Variants in PIEZO1 observed in about 807,000 individuals in gnomAD.
PIEZO1 encodes piezo-type mechanosensitive ion channel component 1.
Under a neutral mutation model 297.2 loss-of-function variants are expected in PIEZO1, and 296 were observed. That is an observed-to-expected ratio of 1.00 (90% confidence interval 0.91 to 1.10). The LOEUF is 1.10. PIEZO1 is among the 50% of genes least tolerant of loss of function. The probability of loss-of-function intolerance (pLI) is 0.00; values close to 1 mark genes in which losing one functional copy is unlikely to be tolerated. For synonymous variants in PIEZO1, 2,427 were observed against 1,507.5 expected (o/e 1.61, Z -14.13); for missense variants, 5,018 against 3,455.5 (o/e 1.45, Z -11.34).
chr16:88,726,630 AC>A lies in PIEZO1; in HGVS notation c.3712del (p.Val1238SerfsTer32). ...GCCGGTCTGCATCTGCTCCACGAAGACGCAGGCCAGGAGCTGGGGGAGAGCA... is the reference window on the plus strand; with the variant it reads ...GCCGGTCTGCATCTGCTCCACGAAGAGCAGGCCAGGAGCTGGGGGAGAGCA... ...SKNMLSLLACVFVEQMQTGFC... is the reference protein window; with the variant it reads ...SKNMLSLLACXFVEQMQTGFC... On this transcript the variant is annotated frameshift_variant, in exon 26 of 51. Coordinates refer to ENST00000301015, the MANE Select transcript of PIEZO1 (RefSeq NM_001142864.4). LOFTEE classifies it high-confidence loss of function. 7.0e-7 allele frequency: 1 copy of A among 1,418,732 alleles called. No homozygotes were observed. The highest frequency in any genetic ancestry group is 9.4e-7 in the Non-Finnish European group (1 of 1,067,064). The allele number at this position is 1,418,732 out of a possible 1,614,324, so 87.9% of individuals were successfully genotyped here.
chr16:88,776,356 C>T (rs1037185097), intron 1 of PIEZO1, among the ~76,000 whole-genome samples: 6 of 152,056 alleles, frequency 3.9e-5, no homozygotes, highest in African/African-American at 1.4e-4. Context: ...ATGGCGTGAA[C>T]CTGGGAGGCA....
At chr16:88,783,993 C>T (rs555834559) in intron 1 of PIEZO1, among the ~76,000 whole-genome samples, 81 of 152,248 alleles carry the variant, frequency 5.3e-4, no homozygotes, top group Non-Finnish European at 8.7e-4. Context: ...TAATTCCATC[C>T]GACTGCTTCC....
intron 1 of PIEZO1, among the ~76,000 whole-genome samples, chr16:88,754,719 G>A (rs1906568037): frequency 6.6e-6 from 1 of 152,230 alleles, no homozygotes; most frequent in Admixed American, 6.5e-5. Flanking sequence ...CCGTGAAACA[G>A]CCGGTGCGGC....
At chr16:88,760,561 G>A (rs916702265) in intron 1 of PIEZO1, among the ~76,000 whole-genome samples, 1 of 152,212 alleles carries the variant, frequency 6.6e-6, no homozygotes, top group Admixed American at 6.5e-5. Flanking sequence ...AAGACAGGCA[G>A]GGATCCGAGG....
intron 16 of PIEZO1, 43 bp from the exon 17 acceptor site, chr16:88,734,097 GC>G: frequency 6.8e-7 from 1 of 1,472,678 alleles, no homozygotes; most frequent in Non-Finnish European, 9.1e-7. Context: ...CTGGGTTCCT[GC>G]CCCTCATTTC....
chr16:88,749,414 A>C lies in PIEZO1; in HGVS notation c.130T>G (p.Phe44Val). ...AGGCCGCATCGGGTGGGGCCGGGGA[A>C]CCAGGGCAGCAGCAGCAGGAAGAGC... ...YLLFLLLLPW[F>V]PGPTRCGLQG... Residue 44 changes from phenylalanine (F) to valine (V), a missense_variant, in exon 2 of 51, where the codon TTC becomes GTC. By Grantham distance (50) the Phe-to-Val change is conservative. Coordinates refer to ENST00000301015, the MANE Select transcript of PIEZO1 (RefSeq NM_001142864.4). 3.9e-6 allele frequency: 6 copies of C among 1,521,970 alleles called. No individual in the cohort carries two copies. Among genetic ancestry groups the C allele is most frequent in the Non-Finnish European group, 4.4e-6 (5 of 1,141,340 alleles). 94.3% of individuals were successfully genotyped at this position (1,521,970 alleles called of 1,614,324 possible).
chr16:88,715,653 G>A lies in PIEZO1; in HGVS notation c.7518C>T (p.Leu2506=), dbSNP rs1323074173. 6.5e-7 allele frequency: 1 copy of A among 1,550,300 alleles called. No homozygotes were observed. Among genetic ancestry groups the A allele is most frequent in the Non-Finnish European group, 8.7e-7 (1 of 1,146,934 alleles). ...EEELYAKLIF[L]YRSPETMIKW... ...TGATCATGGTCTCCGGTGAGCGGTA[G>A]AGGAAGATGAGCTTGGCGTACAACT... Residue 2506 remains leucine (L), a synonymous_variant, in exon 51 of 51, where the codon CTC becomes CTT. Transcript: ENST00000301015.
At chr16:88,718,892 A>G (rs1454518761) in intron 44 of PIEZO1, 1 of 154,056 alleles carries the variant, frequency 6.5e-6, no homozygotes, top group Non-Finnish European at 1.5e-5. Context: ...TTTTTTGTAG[A>G]GAGAGTCTCA....
rs542407462 is a variant in PIEZO1 at position 88,769,030 on chromosome 16, G to A, written c.64+15871C>T. 7.2e-5 allele frequency among the ~76,000 whole-genome samples: 11 copies of A among 152,326 alleles called. No homozygotes were observed. The South Asian group carries it at 2.3e-3, about 32-fold the overall frequency. ...AGTACGCTAGGACACAGCAGCACCCGCGCCCACACTTGCTATGCAGAGTGG... is the reference window on the plus strand; with the variant it reads ...AGTACGCTAGGACACAGCAGCACCCACGCCCACACTTGCTATGCAGAGTGG... On this transcript the variant is annotated intron_variant, in intron 1 of 50. Coordinates refer to ENST00000301015, the MANE Select transcript of PIEZO1 (RefSeq NM_001142864.4).
chr16:88,754,418 G>T (rs908214288), intron 1 of PIEZO1, among the ~76,000 whole-genome samples: 7 of 152,222 alleles, frequency 4.6e-5, no homozygotes, highest in Non-Finnish European at 1.0e-4. Flanking sequence ...ACCTGCCAGG[G>T]GATGTCAGAT....
chr16:88,771,165 G>A (rs16964961), intron 1 of PIEZO1, among the ~76,000 whole-genome samples: 8,639 of 152,286 alleles, frequency 0.057, 294 homozygotes, highest in Middle Eastern at 0.095. Context: ...CCGTGCGAAA[G>A]GCCCCACAGA....
chr16:88,727,821 GT>G (rs976974067), intron 22 of PIEZO1, 160 bp from the exon 23 acceptor site: 5 of 434,582 alleles, frequency 1.2e-5, no homozygotes, highest in Non-Finnish European at 2.0e-5. Flanking sequence ...CTAGTGTCCT[GT>G]GTGTTCACAC....
At chr16:88,766,894 G>A (rs890955266) in intron 1 of PIEZO1, among the ~76,000 whole-genome samples, 1 of 152,346 alleles carries the variant, frequency 6.6e-6, no homozygotes, top group South Asian at 2.1e-4. Flanking sequence ...ACTGGCTAGA[G>A]TGGGCCTCAG....
intron 1 of PIEZO1, among the ~76,000 whole-genome samples, chr16:88,750,580 C>A (rs1002644780): frequency 5.3e-5 from 8 of 152,238 alleles, no homozygotes; most frequent in African/African-American, 1.9e-4. Flanking sequence ...GTCCCAACCA[C>A]ACAGCTCCCA....
chr16:88,730,947 C>T (rs930703880), intron 22 of PIEZO1, among the ~76,000 whole-genome samples: 4 of 152,250 alleles, frequency 2.6e-5, no homozygotes, highest in African/African-American at 9.6e-5. Context: ...CACAGCCCAC[C>T]AGTGCCAACA....
chr16:88,726,142 C>G, intron 27 of PIEZO1, 142 bp downstream of exon 27: 1 of 680,912 alleles, frequency 1.5e-6, no homozygotes, highest in Non-Finnish European at 2.4e-6. Flanking sequence ...GGCCTTCATT[C>G]TCCCTCTAGA....
At chr16:88,749,979 C>T (rs1369267576) in intron 1 of PIEZO1, among the ~76,000 whole-genome samples, 3 of 151,064 alleles carry the variant, frequency 2.0e-5, no homozygotes, top group Admixed American at 6.6e-5. Context: ...ACTGAGATGG[C>T]ACCACTGCAC....
chr16:88,721,882 C>G lies in PIEZO1; in HGVS notation c.5140G>C (p.Val1714Leu), dbSNP rs748507183. Residue 1714 changes from valine to leucine, a missense_variant, in exon 37 of 51, where the codon GTC becomes CTC. Coordinates refer to ENST00000301015, the MANE Select transcript of PIEZO1 (RefSeq NM_001142864.4). ...SAGSLVLPVLVFLWAMLSIPR... is the reference protein window; with the variant it reads ...SAGSLVLPVLLFLWAMLSIPR... ...ATCGACAGCATGGCCCACAGGAAGA[C>G]GAGCACGGGCAGCACCAGCGAGCCG... The G allele has an allele frequency of 1.4e-5, 21 of 1,549,904 alleles. No homozygotes were observed. The highest frequency in any genetic ancestry group is 2.4e-5 in the South Asian group (2 of 84,060).
chr16:88,740,090 T>G (rs975270204), intron 5 of PIEZO1: 1 of 152,110 alleles, frequency 6.6e-6, no homozygotes, highest in South Asian at 2.1e-4. Context: ...GCAGCCATGC[T>G]GCAGACGCCC....
Sources: gnomAD v4.1 joint callset for allele counts (sites outside exome capture counted in the v4.1 genomes callset) on GRCh38, gnomAD v4.1.1 for gene constraint, MANE v1.5 for transcripts, NCBI Gene and HGNC (gene_info 2026-07-23, HGNC 2026-07-21) for gene names.